The following PXDN variants were observed in gnomAD, a reference collection of about 807,000 sequenced individuals.
PXDN encodes the protein peroxidasin homolog.
In PXDN, 77 loss-of-function variants were observed where a neutral mutation model predicts 140.3. The ratio of observed to expected loss-of-function variants is 0.55; its 90% CI spans 0.46 to 0.66. The LOEUF is 0.66. Among genes scored for constraint, PXDN ranks in the 30% least tolerant of loss-of-function variants. The probability of loss-of-function intolerance (pLI) is 0.00; values close to 1 mark genes in which losing one functional copy is unlikely to be tolerated. For missense variants in PXDN, 1,838 were observed against 2,039.5 expected, an observed-to-expected ratio of 0.90 and a Z score of 1.90; for synonymous variants, 911 against 857.4, an observed-to-expected ratio of 1.06 and a Z score of -1.09.
chr2:1,732,319 C>T (rs757988236), intron 1 of PXDN, among the ~76,000 whole-genome samples: 6 of 152,108 alleles, frequency 3.9e-5, no homozygotes, highest in Non-Finnish European at 8.8e-5. Flanking sequence ...GGCCCAGGGG[C>T]CTGCAGAGCG....
At chr2:1,705,790 C>A (rs982188628) in intron 1 of PXDN, among the ~76,000 whole-genome samples, 1 of 150,868 alleles carries the variant, frequency 6.6e-6, no homozygotes, top group African/African-American at 2.4e-5. Flanking sequence ...GTGCAGCTCC[C>A]CACGACCTGG....
At chr2:1,689,338 A>T (rs1002375654) in intron 3 of PXDN, among the ~76,000 whole-genome samples, 12 of 152,382 alleles carry the variant, frequency 7.9e-5, no homozygotes, top group African/African-American at 2.9e-4. Flanking sequence ...AAGAAAAACA[A>T]AAACAAAGTA....
chr2:1,703,013 G>A (rs1441890152), intron 1 of PXDN, among the ~76,000 whole-genome samples: 76 of 97,534 alleles, frequency 7.8e-4, no homozygotes, highest in Middle Eastern at 6.8e-3. Context: ...CAGGTGAAGG[G>A]GGGACAGCTC....
At position 1,687,795 on chromosome 2, in the gene PXDN, T is replaced by C; in HGVS notation, c.345-92A>G. 1 of 965,148 alleles carries C rather than the reference T, an allele frequency of 1.0e-6. No individual in the cohort carries two copies. The highest frequency in any genetic ancestry group is 1.6e-6 in the Non-Finnish European group (1 of 638,840). The allele number at this position is 965,148 out of a possible 1,614,324, so 59.8% of individuals were successfully genotyped here. On this transcript the variant is annotated intron_variant, in intron 3 of 22. Transcript: ENST00000252804. This position sits in a 1 kb window ranked among gnomAD's most constrained non-coding sequence, Gnocchi z 4.0. Reference sequence around the variant, plus strand: ...GAATTAAATTGACACATGGAGACAGTTTTACAATTAATGACTGTATTAGAA... The same window carrying C: ...GAATTAAATTGACACATGGAGACAGCTTTACAATTAATGACTGTATTAGAA...
intron 16 of PXDN, among the ~76,000 whole-genome samples, chr2:1,650,554 C>T (rs778928566): frequency 7.9e-5 from 12 of 152,266 alleles, no homozygotes; most frequent in East Asian, 5.8e-4. Flanking sequence ...AGCTACTCCA[C>T]GTCCTGGGGT....
At chr2:1,673,505 T>C in intron 9 of PXDN, 138 bp downstream of exon 9, 1 of 1,218,708 alleles carries the variant, frequency 8.2e-7, no homozygotes, top group Non-Finnish European at 1.2e-6. Flanking sequence ...GAAAGCTTTC[T>C]GAGCCAACCC....
intron 1 of PXDN, among the ~76,000 whole-genome samples, chr2:1,708,032 A>AG (rs1558519348): frequency 6.6e-6 from 1 of 152,160 alleles, no homozygotes; most frequent in African/African-American, 2.4e-5. Flanking sequence ...CCCGAGAACA[A>AG]GGGGGGCACG....
At chr2:1,647,413 C>T (rs1388783156) in intron 17 of PXDN, among the ~76,000 whole-genome samples, 2 of 152,180 alleles carry the variant, frequency 1.3e-5, no homozygotes, top group Admixed American at 6.5e-5. Context: ...CTACCCCAGT[C>T]CTAGGCCTGG....
In PXDN at chr2:1,679,088, A is replaced by ATGCGTG. The variant is rs1553363344; in HGVS notation, c.730+1104_730+1105insCACGCA. ...AATAAACAGCCGTGTATGTGCATGC[A>ATGCGTG]TGTGTGTGTGTGTGTGTGTGTGTGT... On this transcript the variant is annotated intron_variant, in intron 7 of 22. Coordinates refer to ENST00000252804, the MANE Select transcript of PXDN (RefSeq NM_012293.3). 6.1e-5 allele frequency among the ~76,000 whole-genome samples: 9 copies of ATGCGTG among 148,052 alleles called. No homozygotes were observed. In the East Asian group the frequency reaches 1.8e-3, roughly 30 times the overall value.
At chr2:1,675,069 C>A (rs1312261300) in intron 8 of PXDN, among the ~76,000 whole-genome samples, 3 of 152,170 alleles carry the variant, frequency 2.0e-5, no homozygotes, top group East Asian at 3.9e-4. Flanking sequence ...GGCACCAATC[C>A]CCCAACTTGC....
chr2:1,679,849 A>ATG (rs1280012690), intron 7 of PXDN, among the ~76,000 whole-genome samples: 3 of 105,022 alleles, frequency 2.9e-5, no homozygotes, highest in Non-Finnish European at 5.7e-5. Context: ...GTGTGTGTGT[A>ATG]TGTGCGTGTG....
rs1346547226 is a variant in PXDN, at chr2:1,646,370, AAG to A, written c.3609-1620_3609-1619del. Among the ~76,000 whole-genome samples the A allele has an allele frequency of 2.0e-5, 3 of 152,208 alleles. No homozygotes were observed. In the East Asian group the frequency reaches 5.8e-4, roughly 29 times the overall value. ...AAATGTTTTGAAATAAGTTTGGCAA[AAG>A]AGAGAATCATCTGGGAGAGTAATCT... is the stretch of plus-strand genomic sequence containing the variant. On this transcript the variant is annotated intron_variant, in intron 17 of 22. Transcript: ENST00000252804.
rs528727851 is a variant in PXDN at position 1,660,596 on chromosome 2, C to G, written c.1837+285G>C. On this transcript the variant is annotated intron_variant, in intron 14 of 22. Coordinates refer to ENST00000252804, the MANE Select transcript of PXDN (RefSeq NM_012293.3). The surrounding 1 kb of genome is among the most constrained non-coding windows in gnomAD (Gnocchi z 4.6). ...GGATGACCCCGGAGCAAAGCTCTGC[C>G]CAGTGGATGGGCTGCAGGGTAAGAC... Among the ~76,000 whole-genome samples the G allele has an allele frequency of 6.6e-6, 1 of 152,292 alleles. No homozygotes were observed. The highest frequency in any genetic ancestry group is 1.5e-5 in the Non-Finnish European group (1 of 68,014).
intron 9 of PXDN, among the ~76,000 whole-genome samples, chr2:1,669,054 T>C (rs1683513984): frequency 1.3e-5 from 2 of 152,158 alleles, no homozygotes; most frequent in African/African-American, 2.4e-5. Context: ...CCAACCCAAA[T>C]GCCCATCAAT....
intron 19 of PXDN, among the ~76,000 whole-genome samples, chr2:1,641,853 G>T (rs929522087): frequency 2.0e-5 from 3 of 152,192 alleles, no homozygotes; most frequent in African/African-American, 4.8e-5. Context: ...GCCTGGTAAA[G>T]TTATCAGAAA....
intron 1 of PXDN, among the ~76,000 whole-genome samples, chr2:1,723,598 A>T (rs898680962): frequency 2.0e-5 from 3 of 152,142 alleles, no homozygotes; most frequent in Admixed American, 6.5e-5. Context: ...GGATTAATGG[A>T]TGGATAAATG....
At chr2:1,719,021 C>T (rs1398620398) in intron 1 of PXDN, among the ~76,000 whole-genome samples, 3 of 152,270 alleles carry the variant, frequency 2.0e-5, no homozygotes, top group Non-Finnish European at 2.9e-5. Flanking sequence ...CGCAAGGTCC[C>T]TGCAAAGGCA....
rs1683013633 is a variant in PXDN, at chr2:1,651,515, C to T, written c.2105-1840G>A. ...TTTCATACACAGCCAACGACATATC[C>T]TTATATTCGCTCCCAGGCCCTTTCT... On this transcript the variant is annotated intron_variant, in intron 16 of 22. Coordinates refer to ENST00000252804, the MANE Select transcript of PXDN (RefSeq NM_012293.3). This position sits in a 1 kb window ranked among gnomAD's most constrained non-coding sequence, Gnocchi z 4.4. Among the ~76,000 whole-genome samples, 1 of 152,220 alleles carries T rather than the reference C, an allele frequency of 6.6e-6. No individual in the cohort carries two copies. The highest frequency in any genetic ancestry group is 1.9e-4 in the East Asian group (1 of 5,200).
intron 13 of PXDN, 96 bp from the exon 14 acceptor site, chr2:1,661,133 T>C (rs1267215377): frequency 2.8e-6 from 4 of 1,441,370 alleles, no homozygotes; most frequent in Non-Finnish European, 3.8e-6. Context: ...TTTGTTAGGA[T>C]TTGCAAATGG....
Sources: gnomAD v4.1 joint callset for allele counts (sites outside exome capture counted in the v4.1 genomes callset) on GRCh38, gnomAD v4.1.1 for gene constraint, Gnocchi (gnomAD v3.1) non-coding constraint, MANE v1.5 for transcripts, NCBI Gene and HGNC (gene_info 2026-07-23, HGNC 2026-07-21) for gene names.